Variants in CSGALNACT1 observed in about 807,000 individuals in gnomAD.
The protein encoded by CSGALNACT1 is beta4GalNAcT-1.
Under a neutral mutation model 51.0 loss-of-function variants are expected in CSGALNACT1, and 52 were observed. That is an observed-to-expected ratio of 1.02 (90% CI 0.82 to 1.29). The LOEUF is 1.29. Ranked by LOEUF, CSGALNACT1 falls within the 50% of genes most tolerant of loss-of-function variation. The probability of loss-of-function intolerance (pLI) is 0.00; values close to 1 mark genes in which losing one functional copy is unlikely to be tolerated. For synonymous variants in CSGALNACT1, 341 were observed against 254.4 expected, an observed-to-expected ratio of 1.34 and a Z score of -3.24; for missense variants, 935 against 679.2, an observed-to-expected ratio of 1.38 and a Z score of -4.19.
intron 2 of CSGALNACT1, among the ~76,000 whole-genome samples, chr8:19,592,882 A>G (rs2048130988): frequency 3.9e-5 from 6 of 152,232 alleles, no homozygotes; most frequent in Admixed American, 2.6e-4. Flanking sequence ...CAACTTTCTT[A>G]TACAGACCAT....
At chr8:19,657,312 G>GATAA (rs1201331553) in intron 1 of CSGALNACT1, among the ~76,000 whole-genome samples, 4 of 151,528 alleles carry the variant, frequency 2.6e-5, no homozygotes, top group East Asian at 1.9e-4. Context: ...TAAACTGAAA[G>GATAA]ACGTGAGGAT....
intron 3 of CSGALNACT1, among the ~76,000 whole-genome samples, chr8:19,542,304 A>C (rs149396333): frequency 1.3e-5 from 2 of 152,176 alleles, no homozygotes; most frequent in East Asian, 3.9e-4. Context: ...CCTATAAAGA[A>C]AACACTGTCC....
intron 3 of CSGALNACT1, among the ~76,000 whole-genome samples, chr8:19,577,522 C>T (rs1324726705): frequency 6.6e-6 from 1 of 151,010 alleles, no homozygotes; most frequent in Non-Finnish European, 1.5e-5. Context: ...AATTGCATTA[C>T]CGCACTCCAG....
chr8:19,590,292 T>G (rs1410738388), intron 3 of CSGALNACT1, among the ~76,000 whole-genome samples: 4 of 152,172 alleles, frequency 2.6e-5, no homozygotes, highest in African/African-American at 7.2e-5. Flanking sequence ...CAGAGGCACT[T>G]TGAGATATTT....
At chr8:19,586,050 A>T (rs1234055189) in intron 3 of CSGALNACT1, among the ~76,000 whole-genome samples, 3 of 152,150 alleles carry the variant, frequency 2.0e-5, no homozygotes, top group African/African-American at 7.2e-5. Context: ...TCTAGGAAAC[A>T]TGCTTAACAT....
chr8:19,440,026 G>T, intron 5 of CSGALNACT1, 95 bp from the exon 5 acceptor site: 1 of 1,019,132 alleles, frequency 9.8e-7, no homozygotes, highest in Non-Finnish European at 1.5e-6. Flanking sequence ...AAAGGGTCTT[G>T]AAGGAAACTA....
exon 10 of CSGALNACT1, chr8:19,405,472 A>C (rs1246166915): frequency 3.7e-6 from 2 of 541,482 alleles, no homozygotes; most frequent in Admixed American, 2.2e-5. Context: ...ATGAGCACAC[A>C]AAACAACAGG....
intron 5 of CSGALNACT1, among the ~76,000 whole-genome samples, chr8:19,449,801 A>C (rs931564047): frequency 1.3e-5 from 2 of 152,092 alleles, no homozygotes; most frequent in African/African-American, 4.8e-5. Flanking sequence ...GTAAACTTGG[A>C]ATTGAGAAAG....
intron 4 of CSGALNACT1, among the ~76,000 whole-genome samples, chr8:19,475,050 T>A (rs2069185336): frequency 1.3e-5 from 2 of 151,938 alleles, no homozygotes; most frequent in African/African-American, 4.8e-5. Context: ...CTGCGAGAAA[T>A]CCCTAACTCT....
chr8:19,531,544 C>T (rs2958593), intron 3 of CSGALNACT1, among the ~76,000 whole-genome samples: 32,653 of 152,110 alleles, frequency 0.21, 3,829 homozygotes, highest in African/African-American at 0.32. Context: ...CTAACACCAC[C>T]GCTTACCAAC....
intron 3 of CSGALNACT1, among the ~76,000 whole-genome samples, chr8:19,510,139 C>G (rs1224636584): frequency 6.6e-6 from 1 of 152,028 alleles, no homozygotes; most frequent in Non-Finnish European, 1.5e-5. Flanking sequence ...ATTGTTTTGC[C>G]TAATACTTTC....
chr8:19,506,072 G>A (rs538095849), exon 4 of CSGALNACT1: 4 of 673,846 alleles, frequency 5.9e-6, no homozygotes, highest in South Asian at 4.5e-5. Flanking sequence ...AAATCTCCAA[G>A]TTTTCACCTT....
At chr8:19,439,869 T>G in exon 6 of CSGALNACT1, 1 of 1,614,200 alleles carries the variant, frequency 6.2e-7, no homozygotes, top group Non-Finnish European at 8.5e-7. Context: ...TTCATTTATT[T>G]CTTCTTTCCC....
intron 3 of CSGALNACT1, among the ~76,000 whole-genome samples, chr8:19,554,460 T>A (rs995866554): frequency 1.3e-5 from 2 of 152,090 alleles, no homozygotes; most frequent in African/African-American, 2.4e-5. Context: ...CACCTCTGGG[T>A]AATGAAGGAA....
intron 3 of CSGALNACT1, among the ~76,000 whole-genome samples, chr8:19,523,578 A>G (rs2081132270): frequency 6.6e-6 from 1 of 152,152 alleles, no homozygotes; most frequent in African/African-American, 2.4e-5. Flanking sequence ...GCTACATGGT[A>G]CTATTCACAC....
At chr8:19,600,769 CA>C (rs1014197049) in intron 2 of CSGALNACT1, among the ~76,000 whole-genome samples, 8 of 149,648 alleles carry the variant, frequency 5.3e-5, no homozygotes, top group African/African-American at 2.0e-4. Flanking sequence ...AATGCAAAAT[CA>C]AATCATTAAC....
At chr8:19,555,600 C>G (rs2089518448) in intron 3 of CSGALNACT1, among the ~76,000 whole-genome samples, 2 of 152,170 alleles carry the variant, frequency 1.3e-5, no homozygotes, top group Non-Finnish European at 2.9e-5. Flanking sequence ...ACTGGCTCAA[C>G]TGGAAACACC....
rs76007995 is a variant in CSGALNACT1 at position 19,551,574 on chromosome 8, T to C, written c.-297+39586A>G. ...CATGCTTCAGCGTTCGGCTTCCTAT[T>C]GCGTGCAAGCAAATAGATCCAGTCT... On this transcript the variant is annotated intron_variant, in intron 3 of 9. Coordinates refer to ENST00000454498, the Ensembl canonical transcript of CSGALNACT1. Among the ~76,000 whole-genome samples the C allele has an allele frequency of 7.6e-3, 1,163 of 152,316 alleles. 12 individuals are homozygous for C. The highest frequency in any genetic ancestry group is 0.026 in the African/African-American group (1,100 of 41,574).
chr8:19,431,869 G>T (rs1416318703), intron 6 of CSGALNACT1, among the ~76,000 whole-genome samples: 1 of 150,876 alleles, frequency 6.6e-6, no homozygotes, highest in African/African-American at 2.4e-5. Context: ...GTTAGATTTT[G>T]TATTCCTCTG....
Sources: gnomAD v4.1 joint callset for allele counts (sites outside exome capture counted in the v4.1 genomes callset) on GRCh38, gnomAD v4.1.1 for gene constraint, MANE v1.5 for transcripts, NCBI Gene and HGNC (gene_info 2026-07-23, HGNC 2026-07-21) for gene names.